The following THEMIS variants were observed in gnomAD, a reference collection of about 807,000 sequenced individuals.
THEMIS encodes protein THEMIS.
A neutral mutation model predicts 52.6 loss-of-function variants in THEMIS; 37 were observed. The ratio of observed to expected loss-of-function variants is 0.70; its 90% confidence interval spans 0.54 to 0.93. THEMIS has a LOEUF of 0.93. THEMIS is among the 40% of genes least tolerant of loss of function. The probability of loss-of-function intolerance (pLI) is 0.00; values close to 1 mark genes in which losing one functional copy is unlikely to be tolerated. For missense variants in THEMIS, 808 were observed against 763.1 expected (o/e 1.06, Z -0.69); for synonymous variants, 292 against 272.7 (o/e 1.07, Z -0.70).
At chr6:127,865,591 A>G (rs1188315337) in intron 1 of THEMIS, among the ~76,000 whole-genome samples, 1 of 152,174 alleles carries the variant, frequency 6.6e-6, no homozygotes, top group African/African-American at 2.4e-5. Context: ...TACAGCTTAT[A>G]CTGCCTTGTA....
intron 1 of THEMIS, among the ~76,000 whole-genome samples, chr6:127,884,249 C>T (rs1208262443): frequency 6.6e-6 from 1 of 152,120 alleles, no homozygotes; most frequent in East Asian, 1.9e-4. Context: ...AGTATTTCTT[C>T]CCATGTGGCA....
rs181804857 is a variant in THEMIS, at chr6:127,900,633, C to T, written c.91+209G>A. On this transcript the variant is annotated intron_variant, in intron 1 of 5. Coordinates refer to ENST00000368248, the MANE Select transcript of THEMIS (RefSeq NM_001010923.3). The stretch of plus-strand genomic sequence containing the variant: ...AGAAGCTTCACTCAATTCCTTATTT[C>T]TGTCTGTCCCAGAGTCCTGTCTAGT... Among the ~76,000 whole-genome samples the T allele has an allele frequency of 5.6e-3, 848 of 152,204 alleles. 2 individuals are homozygous for T. The highest frequency in any genetic ancestry group is 8.6e-3 in the Admixed American group (132 of 15,270).
intron 1 of THEMIS, among the ~76,000 whole-genome samples, chr6:127,891,816 G>A (rs1190884613): frequency 6.6e-6 from 1 of 152,046 alleles, no homozygotes; most frequent in African/African-American, 2.4e-5. Flanking sequence ...CAAACTCCTT[G>A]AAATGCTCTT....
At chr6:127,911,775 G>T (rs753403282) in intron 1 of THEMIS, among the ~76,000 whole-genome samples, 17 of 151,436 alleles carry the variant, frequency 1.1e-4, no homozygotes, top group South Asian at 6.2e-4. Flanking sequence ...TACCGTGGAG[G>T]CAGAAGCCTT....
upstream of THEMIS, among the ~76,000 whole-genome samples, chr6:127,905,963 A>G (rs1781259656): frequency 6.8e-6 from 1 of 146,234 alleles, no homozygotes; most frequent in South Asian, 2.1e-4. Context: ...AATTACATTT[A>G]AATGAAATAA....
chr6:127,793,680 G>C (rs1174257262), intron 4 of THEMIS, among the ~76,000 whole-genome samples: 1 of 152,104 alleles, frequency 6.6e-6, no homozygotes, highest in Admixed American at 6.5e-5. Flanking sequence ...GCAACCTGTA[G>C]ATATTTCAAG....
chr6:127,747,192 A>ATTATATAAAATT (rs1275877265), intron 4 of THEMIS, among the ~76,000 whole-genome samples: 22 of 135,248 alleles, frequency 1.6e-4, no homozygotes, highest in African/African-American at 5.3e-4. Flanking sequence ...CTATAATTAC[A>ATTATATAAAATT]GATATCTATC....
At chr6:127,720,485 T>C (rs1014701438) in intron 4 of THEMIS, among the ~76,000 whole-genome samples, 1 of 151,954 alleles carries the variant, frequency 6.6e-6, no homozygotes, top group Non-Finnish European at 1.5e-5. Context: ...AGTGAAGACT[T>C]CAATTGGAAA....
chr6:127,834,401 G>A (rs1477610434), intron 2 of THEMIS, among the ~76,000 whole-genome samples: 3 of 130,260 alleles, frequency 2.3e-5, no homozygotes, highest in Admixed American at 1.8e-4. Context: ...ATGAAACCCC[G>A]TCTCCACTAA....
chr6:127,869,313 G>A (rs914936115), intron 1 of THEMIS, among the ~76,000 whole-genome samples: 9 of 152,082 alleles, frequency 5.9e-5, no homozygotes, highest in Non-Finnish European at 1.0e-4. Flanking sequence ...CTCAGAACGC[G>A]TAAAGCACCC....
At chr6:127,706,381 G>A (rs1314257859), downstream of THEMIS, among the ~76,000 whole-genome samples, 1 of 152,050 alleles carries the variant, frequency 6.6e-6, no homozygotes, top group African/African-American at 2.4e-5. Context: ...TGAAGCAGAA[G>A]GAGGCTCACA....
intron 4 of THEMIS, among the ~76,000 whole-genome samples, chr6:127,742,550 A>C (rs1408118159): frequency 2.0e-5 from 3 of 152,158 alleles, no homozygotes; most frequent in Non-Finnish European, 4.4e-5. Flanking sequence ...GATAAACAAA[A>C]TATTTTACAT....
intron 2 of THEMIS, among the ~76,000 whole-genome samples, chr6:127,833,426 TA>T (rs1223419615): frequency 6.6e-6 from 1 of 152,200 alleles, no homozygotes; most frequent in African/African-American, 2.4e-5. Context: ...ATTATTACTA[TA>T]GGGGGATATG....
chr6:127,721,714 T>A (rs1279311901), intron 4 of THEMIS, among the ~76,000 whole-genome samples: 1 of 151,998 alleles, frequency 6.6e-6, no homozygotes, highest in Non-Finnish European at 1.5e-5. Context: ...TATCATGTAG[T>A]TTTTGGAAAG....
intron 4 of THEMIS, among the ~76,000 whole-genome samples, chr6:127,774,869 G>T (rs769963906): frequency 6.6e-6 from 1 of 152,120 alleles, no homozygotes; most frequent in East Asian, 1.9e-4. Context: ...GTAGGGTGAG[G>T]GTGGAACTTC....
intron 4 of THEMIS, among the ~76,000 whole-genome samples, chr6:127,752,242 C>A (rs901012956): frequency 1.3e-5 from 2 of 151,164 alleles, no homozygotes; most frequent in Non-Finnish European, 3.0e-5. Flanking sequence ...TAAATTTACA[C>A]CTCGAGGAAC....
chr6:127,870,548 A>C (rs1480343225), intron 1 of THEMIS, among the ~76,000 whole-genome samples: 1 of 152,216 alleles, frequency 6.6e-6, no homozygotes, highest in Non-Finnish European at 1.5e-5. Flanking sequence ...TTTTAAAAAC[A>C]AAGATTGGTA....
In THEMIS at chr6:127,743,287, T is replaced by C. The variant is rs547687478; in HGVS notation, c.1759-23464A>G. Among the ~76,000 whole-genome samples, 8 of 152,288 alleles carry C rather than the reference T, an allele frequency of 5.3e-5. No homozygotes were observed. The East Asian group carries it at 5.8e-4, about 11-fold the overall frequency. On this transcript the variant is annotated intron_variant, in intron 4 of 5. Coordinates refer to ENST00000368248, the MANE Select transcript of THEMIS (RefSeq NM_001010923.3). The stretch of plus-strand genomic sequence containing the variant: ...CTGCTACTCTTCTGGGCATAAAACA[T>C]GCCAGATACGAAGCCTAAGCCTAGG...
the THEMIS span, among the ~76,000 whole-genome samples, chr6:127,701,847 AGT>A: frequency 6.6e-6 from 1 of 152,148 alleles, no homozygotes; most frequent in Non-Finnish European, 1.5e-5. Flanking sequence ...TCTTTTATGA[AGT>A]GCCTGCTTAA....
Sources: allele counts gnomAD v4.1 joint callset (sites outside exome capture counted in the v4.1 genomes callset), GRCh38; gene constraint gnomAD v4.1.1; transcripts MANE v1.5; gene names NCBI Gene and HGNC (gene_info 2026-07-23, HGNC 2026-07-21).